KIAA0825: variants seen among roughly 807,000 people sequenced by gnomAD.
KIAA0825 encodes the protein uncharacterized protein KIAA0825.
In KIAA0825, 119 loss-of-function variants were observed where a neutral mutation model predicts 147.6. The observed-to-expected ratio is 0.81, with a 90% confidence interval of 0.69 to 0.94. The LOEUF (loss-of-function observed/expected upper bound fraction) is 0.94, where lower values mean the gene tolerates loss of function less well. KIAA0825 is among the 40% of genes least tolerant of loss of function. The pLI is 0.00. For missense variants in KIAA0825, 1,381 were observed against 1,472.7 expected, an observed-to-expected ratio of 0.94 and a Z score of 1.02; for synonymous variants, 470 against 518.1, an observed-to-expected ratio of 0.91 and a Z score of 1.26.
chr5:94,582,595 T>C lies in KIAA0825; in HGVS notation c.-152-12A>G, dbSNP rs754160459. 6.6e-6 allele frequency: 1 copy of C among 152,122 alleles called. No individual in the cohort carries two copies. Among genetic ancestry groups the C allele is most frequent in the Non-Finnish European group, 1.5e-5 (1 of 68,022 alleles). 9.4% of individuals were successfully genotyped at this position (152,122 alleles called of 1,614,324 possible). A position where few individuals can be genotyped will look rare whatever the true frequency, so the allele number is the denominator to read the frequency against. ...TATGTAAAATGTACCTGAAAAATGATTGCATAAAGCTTTATCACTGCCACA... is the reference window on the plus strand; with the variant it reads ...TATGTAAAATGTACCTGAAAAATGACTGCATAAAGCTTTATCACTGCCACA... On this transcript the variant is annotated splice_polypyrimidine_tract_variant and intron_variant, in intron 1 of 20. Transcript: ENST00000682413.
intron 20 of KIAA0825, among the ~76,000 whole-genome samples, chr5:94,302,644 A>G (rs1474486879): frequency 1.3e-5 from 2 of 152,120 alleles, no homozygotes; most frequent in Non-Finnish European, 2.9e-5. Context: ...TTTATTAAAT[A>G]TGATTTTTAT....
In KIAA0825 at chr5:94,152,867, T is replaced by A. The variant is rs1261069503; in HGVS notation, c.*1140A>T. 8.8e-4 allele frequency: 11 copies of A among 12,538 alleles called. No homozygotes were observed. The highest frequency in any genetic ancestry group is 1.1e-3 in the African/African-American group (3 of 2,842). The allele number at this position is 12,538 out of a possible 1,614,324, so 0.8% of individuals were successfully genotyped here. A position where few individuals can be genotyped will look rare whatever the true frequency, so the allele number is the denominator to read the frequency against. ...AAAAAAAAAAAAAATTATATATATA[T>A]ATATATATATATATATATATATATA... On this transcript the variant is annotated 3_prime_UTR_variant, in exon 21 of 21. Transcript: ENST00000682413.
chr5:94,483,741 A>G (rs549886678), intron 6 of KIAA0825, among the ~76,000 whole-genome samples: 59 of 151,946 alleles, frequency 3.9e-4, no homozygotes, highest in Middle Eastern at 3.4e-3. Flanking sequence ...CCAGTAAACT[A>G]TGTTTAATGT....
intron 2 of KIAA0825, among the ~76,000 whole-genome samples, chr5:94,563,844 C>T (rs974756365): frequency 3.3e-5 from 5 of 151,950 alleles, no homozygotes; most frequent in African/African-American, 1.2e-4. Context: ...GCCACCATGC[C>T]CAGCTAATTT....
intron 2 of KIAA0825, among the ~76,000 whole-genome samples, chr5:94,577,293 A>G (rs576901909): frequency 6.6e-6 from 1 of 152,366 alleles, no homozygotes; most frequent in East Asian, 1.9e-4. Context: ...CGAGCTACTA[A>G]CAGAGTGGGA....
chr5:94,425,592 C>T (rs1177843702), intron 14 of KIAA0825, among the ~76,000 whole-genome samples: 1 of 152,036 alleles, frequency 6.6e-6, no homozygotes, highest in Non-Finnish European at 1.5e-5. Flanking sequence ...GCCTAGGCAA[C>T]AGAGTGAGAC....
intron 9 of KIAA0825, 120 bp from the exon 10 acceptor site, chr5:94,470,231 G>T: frequency 1.6e-6 from 1 of 607,238 alleles, no homozygotes; most frequent in Non-Finnish European, 2.5e-6. Context: ...TCCTCTTAAT[G>T]CTGAAGTCTG....
At chr5:94,275,849 G>A (rs969495260) in intron 20 of KIAA0825, among the ~76,000 whole-genome samples, 5 of 152,162 alleles carry the variant, frequency 3.3e-5, no homozygotes, top group East Asian at 3.9e-4. Context: ...GTCTTTCAGC[G>A]TAAAACAAAG....
At chr5:94,331,171 AAAG>A (rs1341693264) in intron 20 of KIAA0825, among the ~76,000 whole-genome samples, 10 of 151,836 alleles carry the variant, frequency 6.6e-5, no homozygotes, top group South Asian at 4.2e-4. Context: ...AGAGAGAAAG[AAAG>A]AAGAAGAGAA....
chr5:94,444,433 G>C (rs920185471), intron 13 of KIAA0825, among the ~76,000 whole-genome samples: 1 of 152,098 alleles, frequency 6.6e-6, no homozygotes, highest in African/African-American at 2.4e-5. Context: ...TGTAACTCAA[G>C]AGATTCACCA....
intron 20 of KIAA0825, among the ~76,000 whole-genome samples, chr5:94,271,823 G>A (rs893832075): frequency 3.3e-5 from 5 of 151,962 alleles, no homozygotes; most frequent in Non-Finnish European, 7.4e-5. Flanking sequence ...GGTATATACC[G>A]AAAAGAATGG....
At chr5:94,609,593 A>T (rs1223174371) in intron 1 of KIAA0825, among the ~76,000 whole-genome samples, 7 of 152,208 alleles carry the variant, frequency 4.6e-5, no homozygotes, top group Admixed American at 4.6e-4. Flanking sequence ...AAAGCCCTAG[A>T]AAGATAATTA....
intron 20 of KIAA0825, among the ~76,000 whole-genome samples, chr5:94,205,300 T>TATATATATATA (rs1554242872): frequency 3.2e-4 from 43 of 133,872 alleles, no homozygotes; most frequent in South Asian, 4.8e-4. Flanking sequence ...TATATATATA[T>TATATATATATA]TTTGTTTTGT....
intron 20 of KIAA0825, among the ~76,000 whole-genome samples, chr5:94,375,233 A>G (rs192147757): frequency 4.2e-4 from 64 of 151,992 alleles, no homozygotes; most frequent in African/African-American, 1.5e-3. Flanking sequence ...GGGTTTCACT[A>G]TGTTAGCCAG....
chr5:94,450,737 T>A (rs1000180395), intron 13 of KIAA0825, among the ~76,000 whole-genome samples: 6 of 152,304 alleles, frequency 3.9e-5, no homozygotes, highest in Admixed American at 3.3e-4. Flanking sequence ...ATTCAGACCA[T>A]AGCAGAGCTA....
chr5:94,320,726 C>T (rs377479250), intron 20 of KIAA0825, among the ~76,000 whole-genome samples: 7 of 152,126 alleles, frequency 4.6e-5, no homozygotes, highest in East Asian at 1.9e-4. Context: ...GTTAATTGCT[C>T]ATTCAGACAC....
chr5:94,190,646 GTT>G (rs1770599369), intron 20 of KIAA0825, among the ~76,000 whole-genome samples: 2 of 151,770 alleles, frequency 1.3e-5, no homozygotes, highest in Non-Finnish European at 2.9e-5. Flanking sequence ...TTTGTTCCTA[GTT>G]TACTGAGTTT....
At chr5:94,306,161 A>G (rs1355329151) in intron 20 of KIAA0825, among the ~76,000 whole-genome samples, 1 of 151,866 alleles carries the variant, frequency 6.6e-6, no homozygotes, top group East Asian at 1.9e-4. Context: ...TGGTTTTTAC[A>G]TATGTCGACT....
At chr5:94,587,826 T>C (rs1032661360) in intron 1 of KIAA0825, among the ~76,000 whole-genome samples, 5 of 152,212 alleles carry the variant, frequency 3.3e-5, no homozygotes, top group South Asian at 2.1e-4. Context: ...CAAAACAGCA[T>C]GCTACTGGTA....
Sources: allele counts gnomAD v4.1 joint callset (sites outside exome capture counted in the v4.1 genomes callset), GRCh38; gene constraint gnomAD v4.1.1; transcripts MANE v1.5; gene names NCBI Gene and HGNC (gene_info 2026-07-23, HGNC 2026-07-21).